The following GJE1 variants were observed in gnomAD, a reference collection of about 807,000 sequenced individuals.
GJE1 encodes the protein gap junction protein epsilon 1.
Under a neutral mutation model 6.2 loss-of-function variants are expected in GJE1, and 9 were observed. That is an observed-to-expected ratio of 1.45 (90% CI 0.87 to 2.52). The LOEUF (loss-of-function observed/expected upper bound fraction) is 2.52, where lower values mean the gene tolerates loss of function less well. GJE1 is among the 30% of genes most tolerant of loss of function. The pLI is 0.00. For missense variants in GJE1, 190 were observed against 87.7 expected (o/e 2.17, Z -4.66); for synonymous variants, 65 against 30.1 (o/e 2.16, Z -3.80).
Position 142,134,021 on chromosome 6 carries a change from A to G in GJE1, c.211A>G (p.Ile71Val), listed in dbSNP as rs1186591481. The G allele has an allele frequency of 1.0e-5, 7 of 692,740 alleles. No individual in the cohort carries two copies. The African/African-American group carries it at 1.1e-4, about 10-fold the overall frequency. 42.9% of individuals were successfully genotyped at this position (692,740 alleles called of 1,614,324 possible). ...CTTCTGTTACAATCAGTTCAGGCCA[A>G]TCACTCCACAAGTAAGTTTTTCTGT... The change falls in exon 2 of 3, where the codon ATC becomes GTC. Residue 71 changes from isoleucine to valine, a missense_variant. Physicochemically the swap from Ile to Val is conservative, Grantham distance 29. Coordinates refer to ENST00000450456, the Ensembl canonical transcript of GJE1.
exon 2 of GJE1, chr6:142,133,937 G>A (rs2114609264): frequency 2.8e-6 from 2 of 702,544 alleles, no homozygotes; most frequent in Non-Finnish European, 5.2e-6. Flanking sequence ...AGGCTTTGCA[G>A]TTTATGGGAA....
At chr6:142,133,916 C>G (rs1778195755) in exon 2 of GJE1, 2 of 702,226 alleles carry the variant, frequency 2.8e-6, no homozygotes, top group African/African-American at 3.5e-5. Context: ...AATATTCTTC[C>G]TCGGGGTGCT....
exon 3 of GJE1, chr6:142,134,644 A>G: frequency 1.4e-6 from 1 of 693,592 alleles, no homozygotes; most frequent in Non-Finnish European, 2.6e-6. Flanking sequence ...TATCTACACT[A>G]TAATTTATAT....
At chr6:142,133,642 T>A (rs1778187613) in intron 1 of GJE1, among the ~76,000 whole-genome samples, 1 of 152,182 alleles carries the variant, frequency 6.6e-6, no homozygotes, top group African/African-American at 2.4e-5. Context: ...ATTAGCCACA[T>A]GTCCCTATCA....
chr6:142,134,652 T>G lies in GJE1; in HGVS notation c.348T>G (p.Tyr116Ter). ...AAAAGCCTATCTACACTATAATTTA[T>G]ATACTCTCTGTTTTATTAAGAATTA... Residue 116 changes from tyrosine (Y) to a stop codon, truncating the protein, a stop_gained, in exon 3 of 3, where the codon TAT (tyrosine) becomes TAG (stop). Coordinates refer to ENST00000450456, the Ensembl canonical transcript of GJE1. LOFTEE classifies it high-confidence loss of function. 1 of 695,940 alleles carries G rather than the reference T, an allele frequency of 1.4e-6. No individual in the cohort carries two copies. Among genetic ancestry groups the G allele is most frequent in the Non-Finnish European group, 2.6e-6 (1 of 382,904 alleles). The allele number at this position is 695,940 out of a possible 1,614,324, so 43.1% of individuals were successfully genotyped here.
chr6:142,135,067 G>T (rs2114610436), exon 3 of GJE1: 4 of 391,140 alleles, frequency 1.0e-5, no homozygotes, highest in Non-Finnish European at 1.8e-5. Context: ...TGGTTGTAAG[G>T]TAAGGATTCT....
intron 2 of GJE1, among the ~76,000 whole-genome samples, 177 bp from the exon 3 acceptor site, chr6:142,134,362 T>C (rs918195973): frequency 2.6e-5 from 4 of 152,220 alleles, no homozygotes; most frequent in Non-Finnish European, 5.9e-5. Context: ...GTTTTCACAA[T>C]AAATATGTTC....
chr6:142,133,500 TTAC>T (rs1214249665), intron 1 of GJE1, among the ~76,000 whole-genome samples: 2 of 152,216 alleles, frequency 1.3e-5, no homozygotes, highest in Admixed American at 6.5e-5. Flanking sequence ...CGGACTGAGC[TTAC>T]TACTGGATTT....
chr6:142,133,996 C>G (rs1223614705), exon 2 of GJE1: 1 of 702,244 alleles, frequency 1.4e-6, no homozygotes, highest in Non-Finnish European at 2.6e-6. Flanking sequence ...AAGTAAACCT[C>G]TTCTGTTACA....
chr6:142,133,956 T>A lies in GJE1; in HGVS notation c.146T>A (p.Leu49Ter). Residue 49 changes from leucine to a stop codon, truncating the protein, a stop_gained, in exon 2 of 3, where the codon TTG becomes TAG. Coordinates refer to ENST00000450456, the Ensembl canonical transcript of GJE1. LOFTEE classifies it high-confidence loss of function. ...TTTGCAGTTTATGGGAATGAGGCCT[T>A]GCACTTCATTTGCGATCCAGACAAA... 1.4e-6 allele frequency: 1 copy of A among 702,602 alleles called. No homozygotes were observed. The allele number at this position is 702,602 out of a possible 1,614,324, so 43.5% of individuals were successfully genotyped here.
exon 3 of GJE1, chr6:142,134,591 C>G (rs1280492627): frequency 3.1e-6 from 2 of 651,306 alleles, no homozygotes; most frequent in Non-Finnish European, 5.5e-6. Context: ...CACCTTTATG[C>G]TGCATGTAAA....
At chr6:142,134,194 A>T in intron 2 of GJE1, 150 bp downstream of exon 2, 1 of 482,050 alleles carries the variant, frequency 2.1e-6, no homozygotes, top group Non-Finnish European at 3.7e-6. Flanking sequence ...AGATAAATTG[A>T]GTTTTGGGGA....
At chr6:142,134,418 G>C in intron 2 of GJE1, 121 bp from the exon 3 acceptor site, 7 of 444,742 alleles carry the variant, frequency 1.6e-5, no homozygotes, top group Non-Finnish European at 2.8e-5. Context: ...AGATTTTTAT[G>C]AAACTTGGAA....
upstream of GJE1, chr6:142,132,960 T>C (rs1417257043): frequency 2.5e-6 from 1 of 404,432 alleles, no homozygotes; most frequent in East Asian, 3.4e-5. Flanking sequence ...TTTGTTTTGT[T>C]TTGGGACAGA....
At chr6:142,133,823 A>AC (rs1554216287) in intron 1 of GJE1, 27 bp from the exon 2 acceptor site, 2 of 610,458 alleles carry the variant, frequency 3.3e-6, no homozygotes, top group African/African-American at 3.7e-5. Flanking sequence ...TGTTTAAAAG[A>AC]TTTTTTTTCT....
At chr6:142,133,188 T>C (rs1395148512) in exon 1 of GJE1, 31 of 687,206 alleles carry the variant, frequency 4.5e-5, no homozygotes, top group Non-Finnish European at 6.9e-5. Flanking sequence ...AAAACTTCTA[T>C]GAAGGATGTG....
chr6:142,133,131 G>A, exon 1 of GJE1: 1 of 658,032 alleles, frequency 1.5e-6, no homozygotes, highest in Admixed American at 2.3e-5. Context: ...TTAACCAACA[G>A]GAATGCCAGG....
Position 142,133,962 on chromosome 6 carries a change from T to A in GJE1, c.152T>A (p.Phe51Tyr), listed in dbSNP as rs987517996. Residue 51 changes from phenylalanine (F) to tyrosine (Y), a missense_variant, in exon 2 of 3, where the codon TTC (phenylalanine) becomes TAC (tyrosine). Coordinates refer to ENST00000450456, the Ensembl canonical transcript of GJE1. ...GTTTATGGGAATGAGGCCTTGCACTTCATTTGCGATCCAGACAAAAGAGAA... is the reference window on the plus strand; with the variant it reads ...GTTTATGGGAATGAGGCCTTGCACTACATTTGCGATCCAGACAAAAGAGAA... 4 of 702,438 alleles carry A rather than the reference T, an allele frequency of 5.7e-6. No individual in the cohort carries two copies. The African/African-American group carries it at 7.0e-5, about 12-fold the overall frequency. 43.5% of individuals were successfully genotyped at this position (702,438 alleles called of 1,614,324 possible).
intron 1 of GJE1, among the ~76,000 whole-genome samples, chr6:142,133,522 A>G (rs564427272): frequency 5.2e-4 from 79 of 152,282 alleles, no homozygotes; most frequent in African/African-American, 1.9e-3. Flanking sequence ...TTTTTATCTA[A>G]TTTTCAAAAA....
Sources: allele counts gnomAD v4.1 joint callset (sites outside exome capture counted in the v4.1 genomes callset), GRCh38; gene constraint gnomAD v4.1.1; transcripts MANE v1.5; gene names NCBI Gene and HGNC (gene_info 2026-07-23, HGNC 2026-07-21).